Variants in NOS1AP observed in about 807,000 individuals in gnomAD.
NOS1AP encodes nitric oxide synthase 1 adaptor protein.
Under a neutral mutation model 56.2 loss-of-function variants are expected in NOS1AP, and 21 were observed. The observed-to-expected ratio is 0.37, with a 90% CI of 0.26 to 0.54. NOS1AP has a LOEUF of 0.54. NOS1AP is among the 20% of genes least tolerant of loss of function. The pLI, the probability that NOS1AP is intolerant of heterozygous loss-of-function variation, is 0.84. For synonymous variants in NOS1AP, 270 were observed against 274.6 expected (o/e 0.98, Z 0.17); for missense variants, 522 against 657.8 (o/e 0.79, Z 2.26).
intron 2 of NOS1AP, among the ~76,000 whole-genome samples, chr1:162,174,099 T>C (rs565987161): frequency 9.9e-5 from 15 of 152,200 alleles, no homozygotes; most frequent in South Asian, 4.1e-4. Flanking sequence ...GCTATAAAGA[T>C]ACATGCACAC....
chr1:162,307,664 A>T (rs1200362397), intron 4 of NOS1AP, among the ~76,000 whole-genome samples: 1 of 152,104 alleles, frequency 6.6e-6, no homozygotes, highest in Non-Finnish European at 1.5e-5. Flanking sequence ...ACACTGTAAT[A>T]GCCAGGCGTG....
intron 6 of NOS1AP, among the ~76,000 whole-genome samples, chr1:162,349,968 C>T (rs1657437780): frequency 6.6e-6 from 1 of 152,140 alleles, no homozygotes; most frequent in Admixed American, 6.5e-5. Context: ...TTTTTACAGC[C>T]CCACACACGT....
chr1:162,095,627 A>G (rs1363203665), intron 1 of NOS1AP, among the ~76,000 whole-genome samples: 1 of 152,130 alleles, frequency 6.6e-6, no homozygotes, highest in East Asian at 1.9e-4. Context: ...TTCTGTAGGG[A>G]CCATATTAGA....
chr1:162,287,516 C>T (rs1655126598), intron 3 of NOS1AP, 80 bp downstream of exon 3: 2 of 909,822 alleles, frequency 2.2e-6, no homozygotes, highest in African/African-American at 1.6e-5. Context: ...CTTCTGGGCC[C>T]ACCTCCAGAG....
intron 1 of NOS1AP, among the ~76,000 whole-genome samples, chr1:162,086,182 G>A (rs1434964817): frequency 1.3e-5 from 2 of 152,120 alleles, no homozygotes; most frequent in African/African-American, 4.8e-5. Context: ...TGTGGCTTTG[G>A]AAGGGGTATT....
chr1:162,364,925 C>T, intron 8 of NOS1AP: 4 of 1,018,010 alleles, frequency 3.9e-6, no homozygotes, highest in East Asian at 9.2e-5. Flanking sequence ...TGTTCTTAGC[C>T]AGTGGGTCAA....
chr1:162,351,679 G>A (rs1046761155), intron 6 of NOS1AP, among the ~76,000 whole-genome samples: 2 of 152,226 alleles, frequency 1.3e-5, no homozygotes, highest in South Asian at 4.2e-4. Context: ...ATAAGGTCGG[G>A]TCTTTCTTAT....
At chr1:162,323,651 A>C (rs1656487416) in intron 4 of NOS1AP, among the ~76,000 whole-genome samples, 1 of 152,240 alleles carries the variant, frequency 6.6e-6, no homozygotes, top group African/African-American at 2.4e-5. Flanking sequence ...CAATTTAGTA[A>C]AGATTTTTTT....
chr1:162,312,661 G>T (rs1454776377), intron 4 of NOS1AP, among the ~76,000 whole-genome samples: 9 of 151,162 alleles, frequency 6.0e-5, no homozygotes, highest in Admixed American at 2.0e-4. Context: ...CCTTGCCCAT[G>T]CCTATGTCCT....
At chr1:162,183,428 C>T (rs1014081347) in intron 2 of NOS1AP, among the ~76,000 whole-genome samples, 1 of 152,182 alleles carries the variant, frequency 6.6e-6, no homozygotes, top group Non-Finnish European at 1.5e-5. Flanking sequence ...CTTAAAGTCA[C>T]CAGCTGTATC....
intron 2 of NOS1AP, among the ~76,000 whole-genome samples, chr1:162,251,628 G>C (rs1056391955): frequency 2.1e-4 from 32 of 151,124 alleles, no homozygotes; most frequent in Non-Finnish European, 2.8e-4. Context: ...GTGTGTGTGT[G>C]TGTGTCTGTG....
chr1:162,144,633 G>C (rs1367058930), intron 1 of NOS1AP, among the ~76,000 whole-genome samples: 1 of 152,032 alleles, frequency 6.6e-6, no homozygotes, highest in Non-Finnish European at 1.5e-5. Flanking sequence ...AGCATCCCAG[G>C]TAGGCATGGC....
intron 9 of NOS1AP, among the ~76,000 whole-genome samples, chr1:162,366,014 T>C (rs923012003): frequency 1.9e-4 from 29 of 152,110 alleles, no homozygotes; most frequent in Non-Finnish European, 3.2e-4. Context: ...ATTTCAAGAC[T>C]CTGTCACACA....
At chr1:162,183,203 G>A (rs1651320537) in intron 2 of NOS1AP, among the ~76,000 whole-genome samples, 1 of 152,164 alleles carries the variant, frequency 6.6e-6, no homozygotes, top group Non-Finnish European at 1.5e-5. Flanking sequence ...TGGGTAACCA[G>A]GTGCATTGTT....
intron 1 of NOS1AP, among the ~76,000 whole-genome samples, chr1:162,127,529 A>T (rs2102059376): frequency 7.0e-6 from 1 of 143,508 alleles, no homozygotes; most frequent in African/African-American, 2.6e-5. Flanking sequence ...GTACTTTATA[A>T]AAAAAAAAAA....
chr1:162,324,187 G>A (rs1656507499), intron 4 of NOS1AP, among the ~76,000 whole-genome samples: 1 of 152,034 alleles, frequency 6.6e-6, no homozygotes, highest in Non-Finnish European at 1.5e-5. Context: ...CCTGAAAAGT[G>A]TGGGATGGAT....
At chr1:162,297,509 T>A (rs2101750253) in intron 3 of NOS1AP, among the ~76,000 whole-genome samples, 1 of 151,978 alleles carries the variant, frequency 6.6e-6, no homozygotes, top group East Asian at 1.9e-4. Context: ...TCCAGAGGAG[T>A]GTGTGGTGTG....
At chr1:162,202,974 A>C (rs77434773) in intron 2 of NOS1AP, among the ~76,000 whole-genome samples, 4 of 152,020 alleles carry the variant, frequency 2.6e-5, no homozygotes, top group African/African-American at 9.7e-5. Flanking sequence ...ACTAAGAGCC[A>C]CTGTTTTTGG....
intron 3 of NOS1AP, among the ~76,000 whole-genome samples, chr1:162,290,440 C>T (rs1219641866): frequency 6.6e-6 from 1 of 152,242 alleles, no homozygotes; most frequent in Non-Finnish European, 1.5e-5. Context: ...CACACTCAGA[C>T]ACATGCACAC....
Sources: gnomAD v4.1 joint callset for allele counts (sites outside exome capture counted in the v4.1 genomes callset) on GRCh38, gnomAD v4.1.1 for gene constraint, MANE v1.5 for transcripts, NCBI Gene and HGNC (gene_info 2026-07-23, HGNC 2026-07-21) for gene names.